PRKRIP1: variants seen among roughly 807,000 people sequenced by gnomAD.
PRKRIP1 encodes PRKR-interacting protein 1.
In PRKRIP1, 29 loss-of-function variants were observed where a neutral mutation model predicts 29.3. That is an observed-to-expected ratio of 0.99 (90% CI 0.74 to 1.35). The LOEUF (loss-of-function observed/expected upper bound fraction) is 1.35, where lower values mean the gene tolerates loss of function less well. Ranked by LOEUF, PRKRIP1 falls within the 40% of genes most tolerant of loss-of-function variation. The pLI is 0.00. For missense variants in PRKRIP1, 247 were observed against 236.8 expected, an observed-to-expected ratio of 1.04 and a Z score of -0.28; for synonymous variants, 90 against 85.1, an observed-to-expected ratio of 1.06 and a Z score of -0.32.
chr7:102,414,018 A>G (rs1409751869), intron 5 of PRKRIP1, among the ~76,000 whole-genome samples: 7 of 152,360 alleles, frequency 4.6e-5, no homozygotes, highest in African/African-American at 1.7e-4. Context: ...ACATGAGGTC[A>G]GGAGTTCAAG....
At chr7:102,404,709 G>A in intron 4 of PRKRIP1, 26 bp downstream of exon 4, 1 of 1,590,866 alleles carries the variant, frequency 6.3e-7, no homozygotes, top group Non-Finnish European at 8.6e-7. Flanking sequence ...TAACTGTGAT[G>A]ACACTTAAGG....
intron 5 of PRKRIP1, among the ~76,000 whole-genome samples, chr7:102,422,143 A>AATAATTATT (rs373648585): frequency 2.2e-5 from 3 of 133,384 alleles, no homozygotes; most frequent in Non-Finnish European, 3.1e-5. Context: ...TCATACACAA[A>AATAATTATT]ATTATTATTA....
chr7:102,412,128 A>T (rs1447554091), intron 5 of PRKRIP1, among the ~76,000 whole-genome samples: 2 of 152,012 alleles, frequency 1.3e-5, no homozygotes, highest in Non-Finnish European at 2.9e-5. Flanking sequence ...CGGCCTCCCA[A>T]AGTGCTGGGA....
chr7:102,413,627 C>G (rs1796454823), intron 5 of PRKRIP1, among the ~76,000 whole-genome samples: 1 of 152,104 alleles, frequency 6.6e-6, no homozygotes, highest in South Asian at 2.1e-4. Context: ...TTATCTGTAA[C>G]CTGTACTAAA....
intron 1 of PRKRIP1, among the ~76,000 whole-genome samples, chr7:102,396,803 T>C (rs1474090020): frequency 2.0e-5 from 3 of 152,146 alleles, no homozygotes; most frequent in Non-Finnish European, 4.4e-5. Context: ...CTGGTTTAAC[T>C]TTCTGTGAAC....
intron 5 of PRKRIP1, among the ~76,000 whole-genome samples, chr7:102,422,059 A>G (rs1450694237): frequency 2.0e-5 from 3 of 151,998 alleles, no homozygotes; most frequent in Non-Finnish European, 4.4e-5. Flanking sequence ...TGGTGACGCC[A>G]AGCCACAGAT....
intron 5 of PRKRIP1, among the ~76,000 whole-genome samples, chr7:102,412,471 C>T (rs1554572644): frequency 6.6e-6 from 1 of 152,160 alleles, no homozygotes. Context: ...GGGAGGATGG[C>T]TTGAGCCCAG....
rs782411596 is a variant in PRKRIP1 at position 102,396,460 on chromosome 7, G to A, written c.49G>A (p.Glu17Lys). ...GGTGCGACCACCGAGGCCCAAGAAAGAGCCGCAGACGCTCGTCATCCCCAA... is the reference window on the plus strand; with the variant it reads ...GGTGCGACCACCGAGGCCCAAGAAAAAGCCGCAGACGCTCGTCATCCCCAA... ...SSVRPPRPKK[E>K]PQTLVIPKNA... The change falls in exon 1 of 6, where the codon GAG becomes AAG. Residue 17 changes from glutamate (E) to lysine (K), a missense_variant. Physicochemically the swap from Glu to Lys is moderately conservative, Grantham distance 56. Coordinates refer to ENST00000397912, the MANE Select transcript of PRKRIP1 (RefSeq NM_024653.4). 6.2e-7 allele frequency: 1 copy of A among 1,608,778 alleles called. No individual in the cohort carries two copies. The highest frequency in any genetic ancestry group is 1.1e-5 in the South Asian group (1 of 90,888).
intron 1 of PRKRIP1, 73 bp from the exon 2 acceptor site, chr7:102,397,546 TA>T: frequency 1.6e-6 from 2 of 1,240,964 alleles, no homozygotes; most frequent in Non-Finnish European, 2.3e-6. Context: ...AACCTGTCTC[TA>T]AAAAAAGAGA....
At chr7:102,424,001 A>G (rs1796772722) in intron 5 of PRKRIP1, among the ~76,000 whole-genome samples, 1 of 152,202 alleles carries the variant, frequency 6.6e-6, no homozygotes, top group South Asian at 2.1e-4. Context: ...GCTGTGTGGT[A>G]TGAGGTTGAG....
intron 3 of PRKRIP1, among the ~76,000 whole-genome samples, chr7:102,400,104 A>G (rs2410988): frequency 0.81 from 122,852 of 151,922 alleles, 49,819 homozygotes; most frequent in Middle Eastern, 0.86. Flanking sequence ...CGGACAGCAC[A>G]AAATGCAGAG....
At chr7:102,411,806 GT>G (rs11361254) in intron 5 of PRKRIP1, among the ~76,000 whole-genome samples, 103,475 of 142,316 alleles carry the variant, frequency 0.73, 35,715 homozygotes, top group Middle Eastern at 0.83. Flanking sequence ...CTTATTTTCT[GT>G]TTTTTTTTTT....
At chr7:102,405,123 C>A (rs547785995) in intron 4 of PRKRIP1, among the ~76,000 whole-genome samples, 1 of 152,218 alleles carries the variant, frequency 6.6e-6, no homozygotes, top group African/African-American at 2.4e-5. Flanking sequence ...GACGAGGTTT[C>A]ACCATGTTGG....
chr7:102,426,084 CTG>C lies in PRKRIP1; in HGVS notation c.*974_*975del, dbSNP rs1256628468. 2.0e-5 allele frequency: 3 copies of C among 152,994 alleles called. No homozygotes were observed. The highest frequency in any genetic ancestry group is 4.4e-5 in the Non-Finnish European group (3 of 68,290). 9.5% of individuals were successfully genotyped at this position (152,994 alleles called of 1,614,324 possible). On this transcript the variant is annotated 3_prime_UTR_variant, in exon 6 of 6. Transcript: ENST00000397912. ...GCAGCCTCAAACTGGCATCCAGGCA[CTG>C]GGCCCATGCAGAGAAGGCACCTGCA... is the stretch of plus-strand genomic sequence containing the variant.
chr7:102,406,941 C>T (rs1465788438), intron 4 of PRKRIP1, among the ~76,000 whole-genome samples: 4 of 151,434 alleles, frequency 2.6e-5, no homozygotes, highest in Admixed American at 6.6e-5. Flanking sequence ...ATAGGCCGGG[C>T]GTGGTGGCTC....
At chr7:102,422,608 C>A (rs571959979) in intron 5 of PRKRIP1, among the ~76,000 whole-genome samples, 15 of 151,352 alleles carry the variant, frequency 9.9e-5, no homozygotes, top group African/African-American at 3.6e-4. Context: ...GTTGAAAGTG[C>A]TACGATTACA....
chr7:102,414,959 G>T (rs527613849), intron 5 of PRKRIP1, among the ~76,000 whole-genome samples: 2 of 152,130 alleles, frequency 1.3e-5, no homozygotes, highest in South Asian at 2.1e-4. Context: ...AGTATAAAAA[G>T]AACTCCTGGC....
intron 5 of PRKRIP1, among the ~76,000 whole-genome samples, chr7:102,416,941 C>T (rs1375532327): frequency 3.3e-5 from 5 of 151,978 alleles, no homozygotes; most frequent in Non-Finnish European, 7.4e-5. Context: ...CTGCAACCTC[C>T]GCCTCTTGGG....
intron 3 of PRKRIP1, among the ~76,000 whole-genome samples, chr7:102,401,917 A>G (rs1437065981): frequency 6.6e-6 from 1 of 152,130 alleles, no homozygotes; most frequent in African/African-American, 2.4e-5. Flanking sequence ...AAGAAGAAGA[A>G]AAAATGTCCT....
Sources: gnomAD v4.1 joint callset for allele counts (sites outside exome capture counted in the v4.1 genomes callset) on GRCh38, gnomAD v4.1.1 for gene constraint, MANE v1.5 for transcripts, NCBI Gene and HGNC (gene_info 2026-07-23, HGNC 2026-07-21) for gene names.